The following PDE4D variants were observed in gnomAD, a reference collection of about 807,000 sequenced individuals.
PDE4D encodes the protein 3',5'-cyclic-AMP phosphodiesterase 4D.
In PDE4D, 24 loss-of-function variants were observed where a neutral mutation model predicts 87.4. The ratio of observed to expected loss-of-function variants is 0.27; its 90% confidence interval spans 0.20 to 0.39. The LOEUF (loss-of-function observed/expected upper bound fraction) is 0.39. Ranked by LOEUF, PDE4D falls within the 10% of genes least tolerant of loss-of-function variation. The probability of loss-of-function intolerance (pLI) is 1.00; values close to 1 mark genes in which losing one functional copy is unlikely to be tolerated. For missense variants in PDE4D, 714 were observed against 1,041.0 expected, an observed-to-expected ratio of 0.69 and a Z score of 4.32; for synonymous variants, 384 against 383.2, an observed-to-expected ratio of 1.00 and a Z score of -0.02.
intron 1 of PDE4D, among the ~76,000 whole-genome samples, chr5:60,231,441 A>C (rs6868695): frequency 0.12 from 17,867 of 151,938 alleles, 1,114 homozygotes; most frequent in African/African-American, 0.15. Context: ...GAAGCCAATA[A>C]AGAGAAAAAC....
At chr5:60,003,108 C>A (rs181958118) in intron 2 of PDE4D, among the ~76,000 whole-genome samples, 1 of 152,102 alleles carries the variant, frequency 6.6e-6, no homozygotes, top group Non-Finnish European at 1.5e-5. Flanking sequence ...TATATACTAA[C>A]AATAAACTAT....
chr5:59,695,969 G>A lies in PDE4D; in HGVS notation c.455+197199C>T, dbSNP rs150345886. Among the ~76,000 whole-genome samples, 437 of 152,188 alleles carry A rather than the reference G, an allele frequency of 2.9e-3. 5 individuals carry two copies. The highest frequency in any genetic ancestry group is 0.01 in the African/African-American group (417 of 41,512). On this transcript the variant is annotated intron_variant, in intron 1 of 14. Coordinates refer to ENST00000340635, the MANE Select transcript of PDE4D (RefSeq NM_001104631.2). ...TATCTGGCTCAAAGTCATTCAACTCGACATGTGGAAATATTATGTTTTGAA... is the reference window on the plus strand; with the variant it reads ...TATCTGGCTCAAAGTCATTCAACTCAACATGTGGAAATATTATGTTTTGAA...
chr5:59,334,686 A>G (rs1187477405), intron 1 of PDE4D, among the ~76,000 whole-genome samples: 3 of 151,950 alleles, frequency 2.0e-5, no homozygotes, highest in East Asian at 3.9e-4. Context: ...CCTTGGTACC[A>G]CCATTGTTTT....
intron 1 of PDE4D, among the ~76,000 whole-genome samples, chr5:60,421,270 A>T (rs745765241): frequency 2.6e-5 from 4 of 152,136 alleles, no homozygotes; most frequent in African/African-American, 9.7e-5. Context: ...TAACTGGGAG[A>T]CACCTCCCAG....
rs1210552227 is a variant in PDE4D, at chr5:59,703,518, T to A, written c.455+189650A>T. Reference sequence around the variant, plus strand: ...GATGATAATTCAAAAAGGCACCATGTAGCTTGTACTTGAGAAGGAATTTTC... The same window carrying A: ...GATGATAATTCAAAAAGGCACCATGAAGCTTGTACTTGAGAAGGAATTTTC... On this transcript the variant is annotated intron_variant, in intron 1 of 14. Transcript: ENST00000340635. The A allele has an allele frequency of 5.7e-6, 3 of 529,612 alleles. No homozygotes were observed. In the Admixed American group the frequency reaches 5.9e-5, roughly 10 times the overall value. 32.8% of individuals were successfully genotyped at this position (529,612 alleles called of 1,614,324 possible). A position where few individuals can be genotyped will look rare whatever the true frequency, so the allele number is the denominator to read the frequency against.
intron 1 of PDE4D, among the ~76,000 whole-genome samples, chr5:60,272,728 A>G (rs1750941740): frequency 1.3e-5 from 2 of 152,226 alleles, no homozygotes; most frequent in Non-Finnish European, 2.9e-5. Flanking sequence ...AGAAAAAAAG[A>G]ACTGCTGCAA....
At chr5:59,872,803 T>C (rs961779526) in intron 1 of PDE4D, among the ~76,000 whole-genome samples, 6 of 152,296 alleles carry the variant, frequency 3.9e-5, no homozygotes, top group African/African-American at 1.4e-4. Context: ...TGCCTTTGGG[T>C]AATTCAGTAG....
At chr5:59,366,960 G>A (rs1469369858) in intron 1 of PDE4D, among the ~76,000 whole-genome samples, 1 of 152,152 alleles carries the variant, frequency 6.6e-6, no homozygotes, top group South Asian at 2.1e-4. Context: ...AATGATTACT[G>A]AACACTCAGC....
chr5:59,535,905 T>C (rs1815123083), intron 1 of PDE4D, among the ~76,000 whole-genome samples: 1 of 152,194 alleles, frequency 6.6e-6, no homozygotes. Context: ...GCCTTGCACA[T>C]ACTTGACATT....
intron 1 of PDE4D, among the ~76,000 whole-genome samples, chr5:59,632,611 G>C (rs1831715411): frequency 1.3e-5 from 2 of 152,200 alleles, no homozygotes; most frequent in Admixed American, 6.5e-5. Context: ...AGGGTGTGGA[G>C]TGGACCTCCA....
intron 1 of PDE4D, among the ~76,000 whole-genome samples, chr5:59,272,130 T>C (rs1361693048): frequency 2.6e-5 from 4 of 152,062 alleles, no homozygotes; most frequent in Non-Finnish European, 5.9e-5. Flanking sequence ...GCATCTCTTT[T>C]ATTTTCAGAT....
chr5:60,132,773 C>T (rs1779694787), intron 2 of PDE4D, among the ~76,000 whole-genome samples: 1 of 152,018 alleles, frequency 6.6e-6, no homozygotes, highest in South Asian at 2.1e-4. Context: ...AGGAGAATCG[C>T]TTGAACCCAG....
At chr5:60,175,443 C>T (rs1346238995) in intron 2 of PDE4D, among the ~76,000 whole-genome samples, 1 of 152,032 alleles carries the variant, frequency 6.6e-6, no homozygotes, top group East Asian at 1.9e-4. Context: ...ATTATCTCTT[C>T]GGAGTGCTTT....
intron 3 of PDE4D, among the ~76,000 whole-genome samples, chr5:59,944,538 A>AT (rs1757532331): frequency 6.6e-6 from 1 of 151,938 alleles, no homozygotes; most frequent in African/African-American, 2.4e-5. Context: ...CGCCCGGCTA[A>AT]TTTTTTGTAT....
intron 1 of PDE4D, among the ~76,000 whole-genome samples, chr5:59,359,608 T>G (rs945548172): frequency 6.6e-6 from 1 of 152,070 alleles, no homozygotes; most frequent in Non-Finnish European, 1.5e-5. Context: ...TTGGAAAAAA[T>G]AAGAAATTAA....
rs1012317949 is a variant in PDE4D, at chr5:58,973,682, A to G, written c.*982T>C. ...TTAAGACACATTTGATATAACACAC[A>G]TAAAAGTATTATAGAACAAATAGTC... On this transcript the variant is annotated 3_prime_UTR_variant, in exon 15 of 15. Coordinates refer to ENST00000340635, the MANE Select transcript of PDE4D (RefSeq NM_001104631.2). The G allele has an allele frequency of 6.6e-6, 1 of 152,660 alleles. No individual in the cohort carries two copies. Among genetic ancestry groups the G allele is most frequent in the African/African-American group, 2.4e-5 (1 of 41,472 alleles). 9.5% of individuals were successfully genotyped at this position (152,660 alleles called of 1,614,324 possible).
intron 1 of PDE4D, among the ~76,000 whole-genome samples, chr5:60,467,489 C>T (rs1442394566): frequency 6.6e-6 from 1 of 152,238 alleles, no homozygotes; most frequent in Admixed American, 6.5e-5. Context: ...CTTGCCTTCA[C>T]AGCCTATGGT....
intron 5 of PDE4D, among the ~76,000 whole-genome samples, chr5:59,113,580 A>C (rs1412165572): frequency 6.6e-6 from 1 of 152,182 alleles, no homozygotes; most frequent in Non-Finnish European, 1.5e-5. Context: ...TAGCTAACTA[A>C]CTGCACTATT....
At chr5:59,357,850 T>A (rs115754550) in intron 1 of PDE4D, among the ~76,000 whole-genome samples, 458 of 152,272 alleles carry the variant, frequency 3.0e-3, no homozygotes, top group Non-Finnish European at 4.6e-3. Context: ...TGCAGCATAA[T>A]TTCATCAGTC....
Sources: gnomAD v4.1 joint callset for allele counts (sites outside exome capture counted in the v4.1 genomes callset) on GRCh38, gnomAD v4.1.1 for gene constraint, MANE v1.5 for transcripts, NCBI Gene and HGNC (gene_info 2026-07-23, HGNC 2026-07-21) for gene names.